PTBP3: variants seen among roughly 807,000 people sequenced by gnomAD.
PTBP3 encodes polypyrimidine tract-binding protein 3.
A neutral mutation model predicts 58.7 loss-of-function variants in PTBP3; 20 were observed. The ratio of observed to expected loss-of-function variants is 0.34; its 90% CI spans 0.24 to 0.50. The LOEUF (loss-of-function observed/expected upper bound fraction) is 0.50. Among genes scored for constraint, PTBP3 ranks in the 20% least tolerant of loss-of-function variants. The pLI, the probability that PTBP3 is intolerant of heterozygous loss-of-function variation, is 0.98. For synonymous variants in PTBP3, 185 were observed against 219.8 expected (o/e 0.84, Z 1.40); for missense variants, 509 against 637.2 (o/e 0.80, Z 2.17).
the PTBP3 span, among the ~76,000 whole-genome samples, chr9:112,374,653 T>G: frequency 6.6e-6 from 1 of 152,224 alleles, no homozygotes; most frequent in Non-Finnish European, 1.5e-5. Flanking sequence ...TCCATGAGCA[T>G]GAGCCCACTG....
chr9:112,295,236 G>A (rs1435629210), intron 2 of PTBP3, among the ~76,000 whole-genome samples: 15 of 138,088 alleles, frequency 1.1e-4, no homozygotes, highest in African/African-American at 2.9e-4. Flanking sequence ...GCAATACTCA[G>A]TCTCAAAAGA....
At chr9:112,304,915 T>C (rs1490839540) in intron 1 of PTBP3, among the ~76,000 whole-genome samples, 2 of 152,186 alleles carry the variant, frequency 1.3e-5, no homozygotes, top group African/African-American at 2.4e-5. Flanking sequence ...TAAATTATAG[T>C]GTTTTGTCTT....
At chr9:112,255,996 G>A (rs1224884528) in intron 5 of PTBP3, among the ~76,000 whole-genome samples, 1 of 152,010 alleles carries the variant, frequency 6.6e-6, no homozygotes. Context: ...GCTCACGCCT[G>A]TAATCCCAGC....
rs1834815649 is a variant in PTBP3 at position 112,221,755 on chromosome 9, A to G, written c.*2096T>C. 2 of 985,200 alleles carry G rather than the reference A, an allele frequency of 2.0e-6. No homozygotes were observed. The highest frequency in any genetic ancestry group is 2.4e-6 in the Non-Finnish European group (2 of 829,744). 61.0% of individuals were successfully genotyped at this position (985,200 alleles called of 1,614,324 possible). ...AGTATCCCTCCTTTCTATTCTACCA[A>G]CTAAGTGTTGCTCAGTGGTGAGTGA... is the stretch of plus-strand genomic sequence containing the variant. On this transcript the variant is annotated 3_prime_UTR_variant, in exon 14 of 14. Coordinates refer to ENST00000374257, the MANE Select transcript of PTBP3 (RefSeq NM_001163788.4).
chr9:112,243,621 G>A (rs1056842799), intron 7 of PTBP3, among the ~76,000 whole-genome samples: 20 of 152,188 alleles, frequency 1.3e-4, no homozygotes, highest in African/African-American at 4.6e-4. Context: ...TATGTGTACT[G>A]AAATGTAAAA....
chr9:112,325,228 T>C (rs1381183104), intron 1 of PTBP3, among the ~76,000 whole-genome samples: 3 of 152,236 alleles, frequency 2.0e-5, no homozygotes, highest in African/African-American at 4.8e-5. Flanking sequence ...CACAGGAGGC[T>C]TGCCTAAATA....
At chr9:112,334,341 AT>A (rs1292640827), upstream of PTBP3, among the ~76,000 whole-genome samples, 1 of 152,182 alleles carries the variant, frequency 6.6e-6, no homozygotes, top group Non-Finnish European at 1.5e-5. Context: ...TATTCCCAGC[AT>A]TTTTTAAAAG....
chr9:112,323,540 G>A (rs962208787), intron 1 of PTBP3, among the ~76,000 whole-genome samples: 3 of 152,122 alleles, frequency 2.0e-5, no homozygotes, highest in Admixed American at 2.0e-4. Flanking sequence ...GGAAAATGTA[G>A]ATAACATGCA....
chr9:112,227,399 T>C lies in PTBP3; in HGVS notation c.1364+12A>G. On this transcript the variant is annotated intron_variant, in intron 12 of 13. Coordinates refer to ENST00000374257, the MANE Select transcript of PTBP3 (RefSeq NM_001163788.4). ...CATCATCTAAGTGATTAATAACTTA[T>C]TAGGTACATACGGAATGTTGGAAAG... The C allele has an allele frequency of 2.5e-6, 4 of 1,607,628 alleles. No homozygotes were observed. The highest frequency in any genetic ancestry group is 3.4e-6 in the Non-Finnish European group (4 of 1,174,176).
chr9:112,309,647 G>A (rs1829391428), intron 1 of PTBP3, among the ~76,000 whole-genome samples: 1 of 152,004 alleles, frequency 6.6e-6, no homozygotes, highest in Admixed American at 6.6e-5. Flanking sequence ...AATTAGCTGG[G>A]CGTGGTGGTG....
Position 112,304,671 on chromosome 9 carries a change from T to A in PTBP3, c.-51-6755A>T, listed in dbSNP as rs186793964. ...AGCCTCAACCTTCCAGGTCAAGCAA[T>A]CCTCACACCTTGGCCTCCCATGTAG... On this transcript the variant is annotated intron_variant, in intron 1 of 13. Transcript: ENST00000374257. 2.1e-3 allele frequency among the ~76,000 whole-genome samples: 327 copies of A among 152,312 alleles called. 1 individual carries two copies. Among genetic ancestry groups the A allele is most frequent in the African/African-American group, 7.4e-3 (309 of 41,578 alleles).
At chr9:112,320,820 C>T (rs1477397133) in intron 1 of PTBP3, among the ~76,000 whole-genome samples, 2 of 151,962 alleles carry the variant, frequency 1.3e-5, no homozygotes, top group Admixed American at 6.6e-5. Context: ...CAAATGGTGC[C>T]GAACTACCTG....
chr9:112,360,657 G>A, the PTBP3 span, among the ~76,000 whole-genome samples: 1 of 152,090 alleles, frequency 6.6e-6, no homozygotes, highest in African/African-American at 2.4e-5. Context: ...ATTTTTCACT[G>A]GAGAAGCCTA....
chr9:112,368,175 A>AT, the PTBP3 span, among the ~76,000 whole-genome samples: 779 of 151,864 alleles, frequency 5.1e-3, 4 homozygotes, highest in Non-Finnish European at 8.5e-3. Context: ...TTGTATTTGT[A>AT]TTTTTTATTT....
rs554371205 is a variant in PTBP3, at chr9:112,263,974, G to A, written c.352-1375C>T. ...TTACTTTGGGGCCACAGAGCAAGGTGCTGTCTCAAAAAAAAAAAAGTGTGT... is the reference window on the plus strand; with the variant it reads ...TTACTTTGGGGCCACAGAGCAAGGTACTGTCTCAAAAAAAAAAAAGTGTGT... On this transcript the variant is annotated intron_variant, in intron 4 of 13. Transcript: ENST00000374257. 3.3e-5 allele frequency among the ~76,000 whole-genome samples: 5 copies of A among 151,464 alleles called. No individual in the cohort carries two copies. In the East Asian group the frequency reaches 9.7e-4, roughly 29 times the overall value.
intron 3 of PTBP3, among the ~76,000 whole-genome samples, chr9:112,271,314 T>C (rs1827375812): frequency 6.6e-6 from 1 of 152,182 alleles, no homozygotes; most frequent in Non-Finnish European, 1.5e-5. Flanking sequence ...CATCCCTAAT[T>C]CAAAAATCTG....
the PTBP3 span, among the ~76,000 whole-genome samples, chr9:112,355,463 T>C: frequency 7.9e-5 from 12 of 152,300 alleles, no homozygotes; most frequent in East Asian, 2.1e-3. Flanking sequence ...TAGATACAAA[T>C]GTATTTCTCA....
At chr9:112,254,130 ACAC>A (rs1431075021) in intron 5 of PTBP3, among the ~76,000 whole-genome samples, 1 of 152,054 alleles carries the variant, frequency 6.6e-6, no homozygotes, top group Non-Finnish European at 1.5e-5. Context: ...AGCTGGGACT[ACAC>A]CACATCTGGC....
At chr9:112,332,859 A>C in intron 1 of PTBP3, 1 of 1,610,804 alleles carries the variant, frequency 6.2e-7, no homozygotes, top group Non-Finnish European at 8.5e-7. Context: ...CTAAGTCCAG[A>C]CCCCTGGTGT....
Sources: allele counts gnomAD v4.1 joint callset (sites outside exome capture counted in the v4.1 genomes callset), GRCh38; gene constraint gnomAD v4.1.1; transcripts MANE v1.5; gene names NCBI Gene and HGNC (gene_info 2026-07-23, HGNC 2026-07-21).